ERMARD: variants seen among roughly 807,000 people sequenced by gnomAD.
The protein encoded by ERMARD is ER membrane associated RNA degradation, also known as endoplasmic reticulum membrane-associated RNA degradation protein.
A neutral mutation model predicts 83.9 loss-of-function variants in ERMARD; 71 were observed. That is an observed-to-expected ratio of 0.85 (90% CI 0.70 to 1.03). ERMARD has a LOEUF of 1.03. ERMARD is among the 50% of genes least tolerant of loss of function. The pLI, the probability that ERMARD is intolerant of heterozygous loss-of-function variation, is 0.00. For synonymous variants in ERMARD, 284 were observed against 298.6 expected (o/e 0.95, Z 0.50); for missense variants, 838 against 810.9 (o/e 1.03, Z -0.41).
Position 169,779,172 on chromosome 6 carries a change from CT to C in ERMARD, c.1740-9del, listed in dbSNP as rs1554242528. On this transcript the variant is annotated splice_polypyrimidine_tract_variant and intron_variant, in intron 16 of 17. Transcript: ENST00000366773. ...TCCTCACATTTTAATTTACTTTTAT[CT>C]GTTTTTAGTATCAGACTACTGTCCC... 1.9e-6 allele frequency: 3 copies of C among 1,605,998 alleles called. No homozygotes were observed. Among genetic ancestry groups the C allele is most frequent in the Non-Finnish European group, 2.6e-6 (3 of 1,172,614 alleles).
chr6:169,757,848 G>T (rs1173714108), intron 5 of ERMARD, among the ~76,000 whole-genome samples: 1 of 152,202 alleles, frequency 6.6e-6, no homozygotes, highest in African/African-American at 2.4e-5. Flanking sequence ...AAGATAAAAA[G>T]TACAAACCTC....
rs140727760 is a variant in ERMARD at position 169,781,560 on chromosome 6, G to A, written c.*47G>A. On this transcript the variant is annotated 3_prime_UTR_variant, in exon 18 of 18. Coordinates refer to ENST00000366773, the MANE Select transcript of ERMARD (RefSeq NM_018341.3). ...TTTAATTTTAACAGATTTTAACAGC[G>A]TGTAAATTAAAAACCCAAAGACAGG... 1.3e-3 allele frequency: 1,939 copies of A among 1,520,868 alleles called. 19 individuals are homozygous for A. The East Asian group carries it at 0.014, about 11-fold the overall frequency. The allele number at this position is 1,520,868 out of a possible 1,614,324, so 94.2% of individuals were successfully genotyped here. A position where few individuals can be genotyped will look rare whatever the true frequency, so the allele number is the denominator to read the frequency against.
intron 11 of ERMARD, among the ~76,000 whole-genome samples, chr6:169,768,405 G>T (rs150327095): frequency 1.8e-3 from 268 of 152,218 alleles, no homozygotes; most frequent in Non-Finnish European, 2.7e-3. Context: ...AGCAAAATTT[G>T]TATTTGTTTT....
rs201722909 is a variant in ERMARD at position 169,776,568 on chromosome 6, G to A, written c.1634G>A (p.Arg545His). 16 of 1,614,204 alleles carry A rather than the reference G, an allele frequency of 9.9e-6. No homozygotes were observed. In the Admixed American group the frequency reaches 1.2e-4, roughly 12 times the overall value. ...CGAAGCATCAGCGAACAGTGCCGCC[G>A]TGTGTCCAGCCAGGTCACCGTTGCC... ...VLRSISEQCR[R>H]VSSQVTVASE... The change falls in exon 16 of 18, where the codon CGT becomes CAT. Residue 545 changes from arginine to histidine, a missense_variant. Coordinates refer to ENST00000366773, the MANE Select transcript of ERMARD (RefSeq NM_018341.3).
intron 8 of ERMARD, among the ~76,000 whole-genome samples, chr6:169,761,477 C>T (rs1222582646): frequency 6.6e-6 from 1 of 152,192 alleles, no homozygotes; most frequent in Admixed American, 6.5e-5. Context: ...GACTCAGCCT[C>T]CCGAAGTGCT....
In ERMARD at chr6:169,773,301, C is replaced by T; in HGVS notation, c.1234-18C>T. 4 of 1,612,164 alleles carry T rather than the reference C, an allele frequency of 2.5e-6. No individual in the cohort carries two copies. The highest frequency in any genetic ancestry group is 3.4e-6 in the Non-Finnish European group (4 of 1,178,450). On this transcript the variant is annotated intron_variant, in intron 12 of 17. Coordinates refer to ENST00000366773, the MANE Select transcript of ERMARD (RefSeq NM_018341.3). Reference sequence around the variant, plus strand: ...GCCCACCCAAACATGATAGTAACCACTGTTTTCTCTGCACTAGGAAAAATC... The same window carrying T: ...GCCCACCCAAACATGATAGTAACCATTGTTTTCTCTGCACTAGGAAAAATC...
chr6:169,758,343 T>C (rs1027762866), intron 5 of ERMARD, among the ~76,000 whole-genome samples: 1 of 152,224 alleles, frequency 6.6e-6, no homozygotes, highest in African/African-American at 2.4e-5. Context: ...AAAGCAGTTC[T>C]CTGGGCATGA....
In ERMARD at chr6:169,760,828, C is replaced by T. The variant is rs6459661; in HGVS notation, c.857+72C>T. On this transcript the variant is annotated intron_variant, in intron 8 of 17. Transcript: ENST00000366773. ...ATTCTTTCTTGATGCCCTTCACTTTCGATGCTTTTTGCTGTTGGAGTAGAA... is the reference window on the plus strand; with the variant it reads ...ATTCTTTCTTGATGCCCTTCACTTTTGATGCTTTTTGCTGTTGGAGTAGAA... 541 of 1,049,216 alleles carry T rather than the reference C, an allele frequency of 5.2e-4. 2 individuals carry two copies. The African/African-American group carries it at 7.3e-3, about 14-fold the overall frequency. The allele number at this position is 1,049,216 out of a possible 1,614,324, so 65.0% of individuals were successfully genotyped here. A position where few individuals can be genotyped will look rare whatever the true frequency, so the allele number is the denominator to read the frequency against.
intron 1 of ERMARD, chr6:169,752,005 G>A: frequency 2.7e-6 from 1 of 369,910 alleles, no homozygotes; most frequent in Non-Finnish European, 4.8e-6. Flanking sequence ...CCTGACCGTG[G>A]CTCGTTCCTA....
chr6:169,761,820 C>T (rs763315816), intron 8 of ERMARD, among the ~76,000 whole-genome samples: 5 of 151,930 alleles, frequency 3.3e-5, no homozygotes, highest in Non-Finnish European at 7.4e-5. Flanking sequence ...ATATCAGGGA[C>T]TATAGGCATG....
In ERMARD at chr6:169,758,982, A is replaced by C. The variant is rs530069069; in HGVS notation, c.522A>C (p.Lys174Asn). ...VFSQSVMNVL[K>N]VFVGSPCGLN... is the part of the protein sequence containing the mutation. ...TTGCGGATTAGATGAATGTGCTAAA[A>C]GTCTTCGTTGGCTCTCCGTGTGGTC... The change falls in exon 6 of 18, where the codon AAA becomes AAC. Residue 174 changes from lysine (K) to asparagine (N), a missense_variant. By Grantham distance (94) the Lys-to-Asn change is moderately conservative. Coordinates refer to ENST00000366773, the MANE Select transcript of ERMARD (RefSeq NM_018341.3). The C allele has an allele frequency of 6.2e-7, 1 of 1,613,924 alleles. No homozygotes were observed. The highest frequency in any genetic ancestry group is 1.1e-5 in the South Asian group (1 of 90,970).
Position 169,751,670 on chromosome 6 carries a change from C to G in ERMARD, c.6+7C>G, listed in dbSNP as rs3749882. ...GGCACCGGAAGTTATGGAGGTAGGG[C>G]GGGTGTAGGGCCCGGTTCGATCCCG... On this transcript the variant is annotated splice_region_variant and intron_variant, in intron 1 of 17. Transcript: ENST00000366773. 1.3e-6 allele frequency: 2 copies of G among 1,555,146 alleles called. No individual in the cohort carries two copies. The highest frequency in any genetic ancestry group is 1.7e-6 in the Non-Finnish European group (2 of 1,149,772).
rs3828738 is a variant in ERMARD at position 169,779,411 on chromosome 6, C to T, written c.1853+116C>T. ...GACACTATCCCCTTGGTGGCCCCAC[C>T]GCCATCTCAGGCAAGGGTCTGACAT... is the stretch of plus-strand genomic sequence containing the variant. On this transcript the variant is annotated intron_variant, in intron 17 of 17. Transcript: ENST00000366773. 0.25 allele frequency: 208,399 copies of T among 836,366 alleles called. 29,202 individuals are homozygous for T. Among genetic ancestry groups the T allele is most frequent in the African/African-American group, 0.49 (29,408 of 59,902 alleles). 51.8% of individuals were successfully genotyped at this position (836,366 alleles called of 1,614,324 possible).
intron 5 of ERMARD, among the ~76,000 whole-genome samples, chr6:169,758,142 T>C (rs867767423): frequency 2.0e-5 from 3 of 152,258 alleles, no homozygotes; most frequent in African/African-American, 7.2e-5. Context: ...GTCTTCCCCT[T>C]GAGGGAAGTT....
chr6:169,773,450 C>A, intron 13 of ERMARD, 48 bp downstream of exon 13: 1 of 1,563,426 alleles, frequency 6.4e-7, no homozygotes, highest in Non-Finnish European at 8.8e-7. Flanking sequence ...TCTCTGAAAC[C>A]ACCTGTCTTC....
upstream of ERMARD, chr6:169,751,526 C>G (rs1790074203): frequency 1.1e-5 from 17 of 1,610,538 alleles, no homozygotes; most frequent in South Asian, 1.7e-4. Context: ...CCTAGCCAGT[C>G]CCGCGAGGGC....
intron 1 of ERMARD, 114 bp downstream of exon 1, chr6:169,751,777 G>T: frequency 7.2e-7 from 1 of 1,382,204 alleles, no homozygotes. Context: ...GCGGTGGCCG[G>T]CGGTCCCGCG....
At chr6:169,751,784 CGCGCTGGAGG>C in intron 1 of ERMARD, 121 bp downstream of exon 1, 1 of 1,363,454 alleles carries the variant, frequency 7.3e-7, no homozygotes, top group Non-Finnish European at 9.6e-7. Flanking sequence ...CCGGCGGTCC[CGCGCTGGAGG>C]GCGCTGGCGA....
chr6:169,777,254 T>G (rs1793711954), intron 16 of ERMARD, among the ~76,000 whole-genome samples: 1 of 152,158 alleles, frequency 6.6e-6, no homozygotes, highest in Admixed American at 6.5e-5. Context: ...GGGGATGACT[T>G]CCTGTCCCAC....
Sources: allele counts gnomAD v4.1 joint callset (sites outside exome capture counted in the v4.1 genomes callset), GRCh38; gene constraint gnomAD v4.1.1; transcripts MANE v1.5; gene names NCBI Gene and HGNC (gene_info 2026-07-23, HGNC 2026-07-21).